Variants in SOX6 observed in about 807,000 individuals in gnomAD.
SOX6 encodes the protein transcription factor SOX-6.
In SOX6, 11 loss-of-function variants were observed where a neutral mutation model predicts 97.8. The ratio of observed to expected loss-of-function variants is 0.11; its 90% CI spans 0.07 to 0.19. The LOEUF (loss-of-function observed/expected upper bound fraction) is 0.19. Among genes scored for constraint, SOX6 ranks in the 10% least tolerant of loss-of-function variants. SOX6 has a pLI of 1.00. For missense variants in SOX6, 810 were observed against 1,039.5 expected (o/e 0.78, Z 3.04); for synonymous variants, 360 against 371.4 (o/e 0.97, Z 0.35).
At chr11:16,296,893 G>C (rs1033629600) in intron 3 of SOX6, among the ~76,000 whole-genome samples, 3 of 151,916 alleles carry the variant, frequency 2.0e-5, no homozygotes, top group Non-Finnish European at 4.4e-5. Flanking sequence ...ATCTTCAGAG[G>C]ATAAGAAAAA....
intron 15 of SOX6, among the ~76,000 whole-genome samples, chr11:15,981,124 A>G (rs1046067210): frequency 6.6e-6 from 1 of 152,104 alleles, no homozygotes; most frequent in Admixed American, 6.6e-5. Flanking sequence ...GCTTTCCTAA[A>G]AAGCATTTTT....
intron 2 of SOX6, among the ~76,000 whole-genome samples, chr11:16,337,913 C>T (rs868373778): frequency 1.3e-5 from 2 of 152,034 alleles, no homozygotes; most frequent in African/African-American, 2.4e-5. Flanking sequence ...AGAATTTTCA[C>T]ATTTAAAGAT....
chr11:16,526,187 A>G (rs1440722188), intron 4 of SOX6, among the ~76,000 whole-genome samples: 1 of 152,180 alleles, frequency 6.6e-6, no homozygotes, highest in Non-Finnish European at 1.5e-5. Context: ...ATGCACACAT[A>G]TGTTTCTTGC....
chr11:16,573,979 TAAAG>T (rs1847960623), intron 4 of SOX6, among the ~76,000 whole-genome samples: 1 of 152,142 alleles, frequency 6.6e-6, no homozygotes. Context: ...TGGGAGATGT[TAAAG>T]AAGACTAAAA....
intron 14 of SOX6, among the ~76,000 whole-genome samples, chr11:15,986,791 A>G (rs1356051994): frequency 6.6e-6 from 1 of 152,196 alleles, no homozygotes; most frequent in Admixed American, 6.5e-5. Context: ...GATTCTCAGG[A>G]AAAGCTTTGT....
At chr11:16,390,511 G>A (rs1858141132) in intron 1 of SOX6, among the ~76,000 whole-genome samples, 2 of 152,128 alleles carry the variant, frequency 1.3e-5, no homozygotes, top group African/African-American at 4.8e-5. Flanking sequence ...AAGATTTCTT[G>A]TATTGCCTTA....
At chr11:16,048,471 C>G (rs1335046280) in intron 11 of SOX6, among the ~76,000 whole-genome samples, 2 of 152,130 alleles carry the variant, frequency 1.3e-5, no homozygotes, top group Non-Finnish European at 2.9e-5. Flanking sequence ...AAAAAGAACA[C>G]TTGAGTAACA....
intron 2 of SOX6, among the ~76,000 whole-genome samples, chr11:16,326,277 T>C (rs889687034): frequency 1.3e-5 from 2 of 152,130 alleles, no homozygotes; most frequent in African/African-American, 4.8e-5. Flanking sequence ...TTTGCCATGA[T>C]TTCCAGACCC....
chr11:16,593,887 G>A (rs1368770654), intron 4 of SOX6, among the ~76,000 whole-genome samples: 1 of 152,048 alleles, frequency 6.6e-6, no homozygotes, highest in Non-Finnish European at 1.5e-5. Flanking sequence ...AAACAGTATT[G>A]TTTTATACAA....
chr11:16,040,976 T>C (rs1410798663), intron 12 of SOX6, among the ~76,000 whole-genome samples: 1 of 152,136 alleles, frequency 6.6e-6, no homozygotes, highest in African/African-American at 2.4e-5. Flanking sequence ...GCTTTGCAAA[T>C]GAGAATTACA....
intron 1 of SOX6, 21 bp from the exon 2 acceptor site, chr11:16,341,273 G>C: frequency 1.2e-6 from 2 of 1,611,052 alleles, no homozygotes; most frequent in Non-Finnish European, 1.7e-6. Flanking sequence ...AAAACAGAAC[G>C]GATTAAAAAT....
chr11:16,208,480 CTT>C (rs1422960229), intron 4 of SOX6, among the ~76,000 whole-genome samples: 1 of 152,200 alleles, frequency 6.6e-6, no homozygotes, highest in African/African-American at 2.4e-5. Context: ...CTGTACTAGT[CTT>C]TGAAATCAGA....
intron 12 of SOX6, 33 bp from the exon 13 acceptor site, chr11:16,015,083 G>T: frequency 6.3e-7 from 1 of 1,589,150 alleles, no homozygotes. Flanking sequence ...GCTTATTCTA[G>T]TTTCCAAAAC....
At chr11:16,417,269 C>T (rs1323042918) in intron 1 of SOX6, among the ~76,000 whole-genome samples, 2 of 152,174 alleles carry the variant, frequency 1.3e-5, no homozygotes, top group African/African-American at 4.8e-5. Context: ...ACCATCCATA[C>T]CCCTGGCCCA....
At chr11:16,116,483 T>A (rs1309660175) in intron 6 of SOX6, among the ~76,000 whole-genome samples, 1 of 151,944 alleles carries the variant, frequency 6.6e-6, no homozygotes. Context: ...GAAAAACAGA[T>A]CTAAGATAAG....
At chr11:16,425,609 C>T (rs1028558884) in intron 1 of SOX6, among the ~76,000 whole-genome samples, 3 of 152,286 alleles carry the variant, frequency 2.0e-5, no homozygotes, top group Middle Eastern at 3.4e-3. Context: ...TGATAAACAA[C>T]TTCAGCAAAG....
chr11:16,726,292 C>A (rs1305409285), intron 2 of SOX6, among the ~76,000 whole-genome samples: 1 of 152,170 alleles, frequency 6.6e-6, no homozygotes, highest in Non-Finnish European at 1.5e-5. Context: ...GCCTGTAATC[C>A]CAGCTACCCA....
At chr11:16,164,694 G>A (rs959037319) in intron 6 of SOX6, among the ~76,000 whole-genome samples, 5 of 151,996 alleles carry the variant, frequency 3.3e-5, no homozygotes, top group South Asian at 4.2e-4. Context: ...GTAGTGGTGT[G>A]CACCTGTAAT....
chr11:16,717,898 G>T (rs1848230016), intron 2 of SOX6, among the ~76,000 whole-genome samples: 1 of 147,808 alleles, frequency 6.8e-6, no homozygotes. Flanking sequence ...TTCTGGCTCA[G>T]AAATGTAAAA....
Sources: gnomAD v4.1 joint callset for allele counts (sites outside exome capture counted in the v4.1 genomes callset) on GRCh38, gnomAD v4.1.1 for gene constraint, MANE v1.5 for transcripts, NCBI Gene and HGNC (gene_info 2026-07-23, HGNC 2026-07-21) for gene names.